Variants in CHST9 observed in about 807,000 individuals in gnomAD.
The protein encoded by CHST9 is carbohydrate sulfotransferase 9, also known as GalNAc-4-sulfotransferase 2.
Under a neutral mutation model 44.4 loss-of-function variants are expected in CHST9, and 41 were observed. The observed-to-expected ratio is 0.92, with a 90% confidence interval of 0.72 to 1.20. The LOEUF (loss-of-function observed/expected upper bound fraction) is 1.20, where lower values mean the gene tolerates loss of function less well. Among genes scored for constraint, CHST9 ranks in the 50% most tolerant of loss-of-function variants. The pLI is 0.00. For synonymous variants in CHST9, 171 were observed against 178.4 expected, an observed-to-expected ratio of 0.96 and a Z score of 0.33; for missense variants, 504 against 516.5, an observed-to-expected ratio of 0.98 and a Z score of 0.23.
chr18:27,158,703 T>C (rs1476054422), intron 1 of CHST9, among the ~76,000 whole-genome samples: 2 of 151,880 alleles, frequency 1.3e-5, no homozygotes, highest in Non-Finnish European at 2.9e-5. Flanking sequence ...ATGGTTGAAC[T>C]AGTTTACAGT....
intron 2 of CHST9, among the ~76,000 whole-genome samples, chr18:27,112,340 A>G (rs932662919): frequency 8.6e-5 from 13 of 151,402 alleles, no homozygotes; most frequent in Admixed American, 6.6e-4. Flanking sequence ...ACATAATTAA[A>G]TATCTTAGGG....
chr18:27,160,657 A>G (rs1363882877), intron 1 of CHST9, among the ~76,000 whole-genome samples: 1 of 152,050 alleles, frequency 6.6e-6, no homozygotes, highest in East Asian at 1.9e-4. Flanking sequence ...CTCTTTTTCT[A>G]TTGATTGGAA....
intron 4 of CHST9, among the ~76,000 whole-genome samples, chr18:27,000,658 C>CTATCTATCTA (rs1350579118): frequency 2.0e-4 from 15 of 74,528 alleles, no homozygotes; most frequent in Non-Finnish European, 3.1e-4. Flanking sequence ...CTATCTATCT[C>CTATCTATCTA]TCTATCTATC....
At chr18:27,159,079 A>T (rs1454129173) in intron 1 of CHST9, among the ~76,000 whole-genome samples, 2 of 152,106 alleles carry the variant, frequency 1.3e-5, no homozygotes, top group African/African-American at 2.4e-5. Flanking sequence ...CTCTGATGGT[A>T]GTTTCTTTTG....
chr18:27,182,615 A>G (rs76557577), intron 1 of CHST9, among the ~76,000 whole-genome samples: 1 of 152,204 alleles, frequency 6.6e-6, no homozygotes, highest in Non-Finnish European at 1.5e-5. Context: ...AAAATACCGT[A>G]ATATTGAAGC....
intron 4 of CHST9, among the ~76,000 whole-genome samples, chr18:26,969,467 A>G (rs1266267125): frequency 6.6e-6 from 1 of 151,426 alleles, no homozygotes; most frequent in East Asian, 1.9e-4. Context: ...TTGGGTTGTG[A>G]GTATATATTT....
chr18:27,152,959 T>C (rs1358175166), intron 1 of CHST9, among the ~76,000 whole-genome samples: 2 of 152,208 alleles, frequency 1.3e-5, no homozygotes, highest in Non-Finnish European at 2.9e-5. Flanking sequence ...ATTAATCATG[T>C]AAACTAAGAA....
At chr18:26,969,849 T>C (rs1657315) in intron 4 of CHST9, among the ~76,000 whole-genome samples, 97,859 of 152,036 alleles carry the variant, frequency 0.64, 31,918 homozygotes, top group African/African-American at 0.73. Flanking sequence ...AATAGTTTGA[T>C]CTTGATACTT....
At chr18:27,181,320 T>A (rs1215772747) in intron 1 of CHST9, among the ~76,000 whole-genome samples, 1 of 152,226 alleles carries the variant, frequency 6.6e-6, no homozygotes, top group Non-Finnish European at 1.5e-5. Flanking sequence ...CAACCCATTT[T>A]GCCCTAGAGC....
chr18:27,158,382 G>C (rs1310788683), intron 1 of CHST9, among the ~76,000 whole-genome samples: 1 of 150,982 alleles, frequency 6.6e-6, no homozygotes, highest in Non-Finnish European at 1.5e-5. Context: ...GTGATAGTTT[G>C]CTGAGAATGA....
chr18:27,137,173 T>A (rs1021046753), intron 2 of CHST9, among the ~76,000 whole-genome samples: 14 of 151,758 alleles, frequency 9.2e-5, no homozygotes, highest in Admixed American at 2.6e-4. Flanking sequence ...AGAAAATGAA[T>A]AAGAAGGAGA....
intron 2 of CHST9, among the ~76,000 whole-genome samples, chr18:27,083,144 T>C (rs955271077): frequency 3.3e-5 from 5 of 152,146 alleles, no homozygotes; most frequent in African/African-American, 7.2e-5. Context: ...GATATAGATA[T>C]ACAGGTAAAT....
At chr18:27,034,269 T>C (rs1014120269) in intron 3 of CHST9, among the ~76,000 whole-genome samples, 1 of 152,196 alleles carries the variant, frequency 6.6e-6, no homozygotes, top group African/African-American at 2.4e-5. Context: ...TCCTTCCACA[T>C]CCACTCTATC....
At position 27,103,447 on chromosome 18, in the gene CHST9, G is replaced by T. The variant is rs79536620; in HGVS notation, c.121+39242C>A. ...GCACAAGGTTAATGGCTCAGTCAAG[G>T]TCCCCCTCCACAAACTCCTAAGACT... is the stretch of plus-strand genomic sequence containing the variant. On this transcript the variant is annotated intron_variant, in intron 2 of 5. Transcript: ENST00000618847. Among the ~76,000 whole-genome samples the T allele has an allele frequency of 6.1e-3, 932 of 152,236 alleles. 12 individuals carry two copies. Among genetic ancestry groups the T allele is most frequent in the African/African-American group, 0.021 (880 of 41,536 alleles).
At chr18:26,940,275 A>G (rs1442507652) in intron 5 of CHST9, among the ~76,000 whole-genome samples, 2 of 152,116 alleles carry the variant, frequency 1.3e-5, no homozygotes, top group African/African-American at 4.8e-5. Context: ...GGAGACTCCT[A>G]AAGCCTGTGA....
chr18:27,005,571 A>T (rs2057006628), intron 4 of CHST9, among the ~76,000 whole-genome samples: 1 of 152,184 alleles, frequency 6.6e-6, no homozygotes, highest in African/African-American at 2.4e-5. Context: ...ATTGTCTATG[A>T]ATTTAAACAT....
At chr18:27,060,773 G>T (rs2057712273) in intron 2 of CHST9, among the ~76,000 whole-genome samples, 1 of 152,116 alleles carries the variant, frequency 6.6e-6, no homozygotes. Context: ...GTGGTCATTT[G>T]ACATTTCTGG....
chr18:26,922,629 T>TTTTATTTA (rs140641649), intron 5 of CHST9, among the ~76,000 whole-genome samples: 224 of 150,690 alleles, frequency 1.5e-3, no homozygotes, highest in East Asian at 6.5e-3. Flanking sequence ...TTCTTGTTAT[T>TTTTATTTA]TTTATTTATT....
intron 2 of CHST9, among the ~76,000 whole-genome samples, chr18:27,059,844 C>A (rs958754670): frequency 1.3e-5 from 2 of 152,140 alleles, no homozygotes; most frequent in Admixed American, 1.3e-4. Flanking sequence ...CACATTGACC[C>A]ACGTCAAAGG....
Sources: gnomAD v4.1 joint callset for allele counts (sites outside exome capture counted in the v4.1 genomes callset) on GRCh38, gnomAD v4.1.1 for gene constraint, MANE v1.5 for transcripts, NCBI Gene and HGNC (gene_info 2026-07-23, HGNC 2026-07-21) for gene names.